The following RALYL variants were observed in gnomAD, a reference collection of about 807,000 sequenced individuals.
RALYL encodes RNA-binding Raly-like protein.
In RALYL, 29 loss-of-function variants were observed where a neutral mutation model predicts 35.1. The observed-to-expected ratio is 0.83, with a 90% confidence interval of 0.61 to 1.13. RALYL has a LOEUF of 1.13. Among genes scored for constraint, RALYL ranks in the 50% most tolerant of loss-of-function variants. The probability of loss-of-function intolerance (pLI) is 0.00; values close to 1 mark genes in which losing one functional copy is unlikely to be tolerated. For synonymous variants in RALYL, 120 were observed against 127.6 expected (o/e 0.94, Z 0.40); for missense variants, 359 against 360.4 (o/e 1.00, Z 0.03).
At chr8:84,620,718 T>A (rs1161358801) in intron 2 of RALYL, among the ~76,000 whole-genome samples, 2 of 151,606 alleles carry the variant, frequency 1.3e-5, no homozygotes, top group African/African-American at 4.8e-5. Flanking sequence ...TCCCCATCTT[T>A]GTGGTTTTAT....
chr8:84,820,610 T>C (rs1398903384), intron 4 of RALYL, among the ~76,000 whole-genome samples: 8 of 152,130 alleles, frequency 5.3e-5, no homozygotes, highest in Non-Finnish European at 1.0e-4. Flanking sequence ...TAGGTATACA[T>C]GTGCGATGAT....
At chr8:84,498,411 T>C (rs1351032108) in intron 1 of RALYL, among the ~76,000 whole-genome samples, 1 of 152,074 alleles carries the variant, frequency 6.6e-6, no homozygotes, top group Non-Finnish European at 1.5e-5. Flanking sequence ...TAACCATTAT[T>C]CATAATTCCA....
chr8:84,269,898 T>G (rs1356598052), intron 1 of RALYL, among the ~76,000 whole-genome samples: 1 of 152,094 alleles, frequency 6.6e-6, no homozygotes, highest in African/African-American at 2.4e-5. Context: ...TATTTTAAAA[T>G]TATAGTAGAA....
intron 1 of RALYL, among the ~76,000 whole-genome samples, chr8:84,216,104 G>A (rs960025050): frequency 2.0e-5 from 3 of 152,048 alleles, no homozygotes; most frequent in Non-Finnish European, 4.4e-5. Flanking sequence ...GTGACCCAGG[G>A]CTGTAATTAT....
At chr8:84,884,618 G>C (rs576641590) in intron 7 of RALYL, among the ~76,000 whole-genome samples, 1 of 151,950 alleles carries the variant, frequency 6.6e-6, no homozygotes, top group South Asian at 2.1e-4. Context: ...AATATTTCTG[G>C]AATCATTAGA....
chr8:84,770,748 G>A (rs2133524282), intron 2 of RALYL, among the ~76,000 whole-genome samples: 1 of 152,078 alleles, frequency 6.6e-6, no homozygotes, highest in East Asian at 1.9e-4. Context: ...TTCTCATGGG[G>A]GTAAGGTGGT....
chr8:84,822,721 T>G (rs1828806665), intron 4 of RALYL, among the ~76,000 whole-genome samples: 1 of 152,146 alleles, frequency 6.6e-6, no homozygotes, highest in South Asian at 2.1e-4. Context: ...TAGACTTAAC[T>G]AACAATATGT....
chr8:84,645,104 GA>G (rs1424096560), intron 2 of RALYL, among the ~76,000 whole-genome samples: 1 of 151,870 alleles, frequency 6.6e-6, no homozygotes, highest in African/African-American at 2.4e-5. Flanking sequence ...AAGCCAAATT[GA>G]AATTTTATTA....
intron 2 of RALYL, among the ~76,000 whole-genome samples, chr8:84,620,949 G>A (rs1004543767): frequency 2.0e-4 from 31 of 152,212 alleles, no homozygotes; most frequent in Admixed American, 7.8e-4. Flanking sequence ...CAGTCTGCCC[G>A]TTCTCAGATC....
chr8:84,398,544 T>A (rs2042571435), intron 1 of RALYL, among the ~76,000 whole-genome samples: 1 of 152,156 alleles, frequency 6.6e-6, no homozygotes, highest in Non-Finnish European at 1.5e-5. Flanking sequence ...CTTTTCTAGA[T>A]ATTGTGTCAT....
Position 84,755,341 on chromosome 8 carries a change from C to T in RALYL, c.257-19238C>T, listed in dbSNP as rs138860318. On this transcript the variant is annotated intron_variant, in intron 2 of 8. Transcript: ENST00000521268. ...ATATCAGTGTTGTCTGCCACAAATA[C>T]ACACATGAATAACAAGCTGTCAACA... Among the ~76,000 whole-genome samples, 418 of 152,240 alleles carry T rather than the reference C, an allele frequency of 2.7e-3. 1 individual carries two copies. The highest frequency in any genetic ancestry group is 8.8e-3 in the African/African-American group (365 of 41,568).
At chr8:84,681,595 CTT>C (rs1835511889) in intron 2 of RALYL, among the ~76,000 whole-genome samples, 1 of 152,170 alleles carries the variant, frequency 6.6e-6, no homozygotes. Flanking sequence ...ATTTTATTCT[CTT>C]TGAAGCAATT....
chr8:84,316,848 T>G (rs1843852689), intron 1 of RALYL, among the ~76,000 whole-genome samples: 1 of 152,186 alleles, frequency 6.6e-6, no homozygotes, highest in African/African-American at 2.4e-5. Context: ...AAATAAAACA[T>G]CATTTGAAGT....
At chr8:84,583,007 C>T (rs16912996) in intron 2 of RALYL, among the ~76,000 whole-genome samples, 2,584 of 152,182 alleles carry the variant, frequency 0.017, 89 homozygotes, top group African/African-American at 0.059. Context: ...TTTCCTGACT[C>T]CATCTATCTA....
intron 1 of RALYL, among the ~76,000 whole-genome samples, chr8:84,518,059 C>A (rs1281963423): frequency 1.3e-5 from 2 of 152,126 alleles, no homozygotes; most frequent in African/African-American, 4.8e-5. Context: ...GTTTGAAAAT[C>A]TTCTATGTTA....
At chr8:84,593,809 C>A (rs1273027070) in intron 2 of RALYL, among the ~76,000 whole-genome samples, 2 of 152,048 alleles carry the variant, frequency 1.3e-5, no homozygotes, top group South Asian at 4.1e-4. Context: ...TTCTCCTTTG[C>A]AAAGTGAACA....
chr8:84,585,827 G>C (rs1488250727), intron 2 of RALYL, among the ~76,000 whole-genome samples: 1 of 152,094 alleles, frequency 6.6e-6, no homozygotes, highest in Non-Finnish European at 1.5e-5. Context: ...ACAAGTAAAT[G>C]GGTGCTTGCA....
chr8:84,214,820 G>T (rs75480781), intron 1 of RALYL, among the ~76,000 whole-genome samples: 2,983 of 151,616 alleles, frequency 0.02, 102 homozygotes, highest in African/African-American at 0.067. Context: ...TACCTATTGC[G>T]TTTAATAAAT....
chr8:84,467,232 G>A (rs559865316), intron 1 of RALYL, among the ~76,000 whole-genome samples: 1 of 152,060 alleles, frequency 6.6e-6, no homozygotes, highest in African/African-American at 2.4e-5. Context: ...TAATTGTGAT[G>A]TTAGGGTGTC....
Sources: gnomAD v4.1 joint callset for allele counts (sites outside exome capture counted in the v4.1 genomes callset) on GRCh38, gnomAD v4.1.1 for gene constraint, MANE v1.5 for transcripts, NCBI Gene and HGNC (gene_info 2026-07-23, HGNC 2026-07-21) for gene names.